The following NOTCH4 variants were observed in gnomAD, a reference collection of about 807,000 sequenced individuals.
The protein encoded by NOTCH4 is neurogenic locus notch homolog protein 4.
Under a neutral mutation model 189.0 loss-of-function variants are expected in NOTCH4, and 138 were observed. The observed-to-expected ratio is 0.73, with a 90% CI of 0.64 to 0.84. The LOEUF is 0.84. NOTCH4 is among the 40% of genes least tolerant of loss of function. The pLI, the probability that NOTCH4 is intolerant of heterozygous loss-of-function variation, is 0.00. For synonymous variants in NOTCH4, 942 were observed against 1,032.8 expected, an observed-to-expected ratio of 0.91 and a Z score of 1.69; for missense variants, 2,286 against 2,605.4, an observed-to-expected ratio of 0.88 and a Z score of 2.67.
chr6:32,214,914 G>A (rs1428855870), intron 12 of NOTCH4, among the ~76,000 whole-genome samples: 2 of 152,140 alleles, frequency 1.3e-5, no homozygotes, highest in African/African-American at 2.4e-5. Context: ...GCATGAGACC[G>A]TAATCAGCAC....
In NOTCH4 at chr6:32,196,147, G is replaced by T. The variant is rs760034716; in HGVS notation, c.5302C>A (p.Gln1768Lys). 3 of 1,589,870 alleles carry T rather than the reference G, an allele frequency of 1.9e-6. No homozygotes were observed. Among genetic ancestry groups the T allele is most frequent in the Non-Finnish European group, 2.6e-6 (3 of 1,174,422 alleles). ...CGCGCCGCCAGGAATAGCGGCGTCT[G>T]CTCCTGTACAGAAGAGCCAGGGCCG... ...ADKDAQDNRE[Q>K]TPLFLAAREG... Residue 1768 changes from glutamine to lysine, a missense_variant, in exon 30 of 30, where the codon CAG becomes AAG. Transcript: ENST00000375023.
rs1425265327 is a variant in NOTCH4 at position 32,199,212 on chromosome 6, T to C, written c.4316-67A>G. The C allele has an allele frequency of 1.6e-6, 2 of 1,222,820 alleles. No homozygotes were observed. Among genetic ancestry groups the C allele is most frequent in the Admixed American group, 3.0e-5 (1 of 33,276 alleles). 75.7% of individuals were successfully genotyped at this position (1,222,820 alleles called of 1,614,324 possible). On this transcript the variant is annotated intron_variant, in intron 23 of 29. Transcript: ENST00000375023. This position sits in a 1 kb window ranked among gnomAD's most constrained non-coding sequence, Gnocchi z 4.9. ...TGAGACTGATTACTATTGGGAGACC[T>C]TTGGACAAGTTTAGTAGCCGGTCTT...
rs776161068 is a variant in NOTCH4, at chr6:32,220,590, T to C, written c.974A>G (p.His325Arg). 2 of 1,613,002 alleles carry C rather than the reference T, an allele frequency of 1.2e-6. No homozygotes were observed. The highest frequency in any genetic ancestry group is 1.7e-6 in the Non-Finnish European group (2 of 1,179,716). ...VDECETQGPP[H>R]CRNGGTCQNS... ...CTGGCAGGTGCCCCCGTTTCTGCAGTGAGGGGGACCCTGGGTCTCACACTC... is the reference window on the plus strand; with the variant it reads ...CTGGCAGGTGCCCCCGTTTCTGCAGCGAGGGGGACCCTGGGTCTCACACTC... The change falls in exon 6 of 30, where the codon CAC (histidine) becomes CGC (arginine). Residue 325 changes from histidine to arginine, a missense_variant. Coordinates refer to ENST00000375023, the MANE Select transcript of NOTCH4 (RefSeq NM_004557.4).
In NOTCH4 at chr6:32,202,402, A is replaced by G; in HGVS notation, c.3429T>C (p.Asn1143=). The part of the protein sequence containing the change: ...GCGPPSPCLY[N]GSCSETTGLG... ...AGCCCGTGGTCTCTGAGCAGCTGCC[A>G]TTGTATAGGCATGGGGAGGGAGGGC... The change falls in exon 21 of 30, where the codon AAT becomes AAC. Residue 1143 remains asparagine, a synonymous_variant. Coordinates refer to ENST00000375023, the MANE Select transcript of NOTCH4 (RefSeq NM_004557.4). The surrounding 1 kb of genome is among the most constrained non-coding windows in gnomAD (Gnocchi z 5.7). 2 of 1,612,560 alleles carry G rather than the reference A, an allele frequency of 1.2e-6. No individual in the cohort carries two copies. Among genetic ancestry groups the G allele is most frequent in the Non-Finnish European group, 1.7e-6 (2 of 1,179,838 alleles).
rs752542391 is a variant in NOTCH4, at chr6:32,217,905, T to C, written c.1624+90A>G. Reference sequence around the variant, plus strand: ...ACTCCTTGGCTTGGCTAGAGAGAGCTTCAAGTGGCCTTGGGTGATTGCTGA... The same window carrying C: ...ACTCCTTGGCTTGGCTAGAGAGAGCCTCAAGTGGCCTTGGGTGATTGCTGA... On this transcript the variant is annotated intron_variant, in intron 9 of 29. Coordinates refer to ENST00000375023, the MANE Select transcript of NOTCH4 (RefSeq NM_004557.4). The surrounding 1 kb of genome is among the most constrained non-coding windows in gnomAD (Gnocchi z 4.2). 1.2e-6 allele frequency: 1 copy of C among 821,468 alleles called. No individual in the cohort carries two copies. The highest frequency in any genetic ancestry group is 2.1e-6 in the Non-Finnish European group (1 of 486,418). The allele number at this position is 821,468 out of a possible 1,614,324, so 50.9% of individuals were successfully genotyped here. A position where few individuals can be genotyped will look rare whatever the true frequency, so the allele number is the denominator to read the frequency against.
rs1277763178 is a variant in NOTCH4, at chr6:32,212,609, C to T, written c.2545G>A (p.Ala849Thr). 1 of 1,611,500 alleles carries T rather than the reference C, an allele frequency of 6.2e-7. No homozygotes were observed. Residue 849 changes from alanine to threonine, a missense_variant, in exon 17 of 30, where the codon GCC becomes ACC. By Grantham distance (58) the Ala-to-Thr change is moderately conservative. Around this residue, in one of 2 missense-constraint regions of NOTCH4, gnomAD observed 1,903 missense variants for 2,261.9 expected, o/e 0.84. Coordinates refer to ENST00000375023, the MANE Select transcript of NOTCH4 (RefSeq NM_004557.4). This position sits in a 1 kb window ranked among gnomAD's most constrained non-coding sequence, Gnocchi z 4.4. ...GAATTGCGTGGGCAGGGCTTCTGGG[C>T]ACATAAGTCCATCAGAGTCTGAGGG... ...GSCQTLMDLC[A>T]QKPCPRNSHC...
chr6:32,222,843 T>C lies in NOTCH4; in HGVS notation c.156-37A>G, dbSNP rs3134931. 0.33 allele frequency: 528,623 copies of C among 1,602,990 alleles called. 91,817 individuals are homozygous for C. The highest frequency in any genetic ancestry group is 0.56 in the East Asian group (25,090 of 44,794). On this transcript the variant is annotated intron_variant, in intron 2 of 29. Transcript: ENST00000375023. ...AGGAGAGGAAAACTCACATCACTGG[T>C]CCCTCTTCCTATTCTTGCCCACTCC...
In NOTCH4 at chr6:32,214,232, C is replaced by T; in HGVS notation, c.2045G>A (p.Gly682Asp). ...TGCCTCACACTCTGGCCCCGTCCAACCCACGTCACACACACATGAGGATCT... is the reference window on the plus strand; with the variant it reads ...TGCCTCACACTCTGGCCCCGTCCAATCCACGTCACACACACATGAGGATCT... ...CQRSSCVCDV[G>D]WTGPECEAEL... is the part of the protein sequence containing the mutation. The change falls in exon 13 of 30, where the codon GGT (glycine) becomes GAT (aspartate). Residue 682 changes from glycine to aspartate, a missense_variant. Transcript: ENST00000375023. 1 of 1,613,398 alleles carries T rather than the reference C, an allele frequency of 6.2e-7. No homozygotes were observed. Among genetic ancestry groups the T allele is most frequent in the Non-Finnish European group, 8.5e-7 (1 of 1,179,742 alleles).
At chr6:32,208,393 A>C (rs1289667770) in intron 18 of NOTCH4, among the ~76,000 whole-genome samples, 1 of 152,218 alleles carries the variant, frequency 6.6e-6, no homozygotes, top group Non-Finnish European at 1.5e-5. Flanking sequence ...ATGTAAATCA[A>C]AACCACAATG....
chr6:32,220,504 C>A lies in NOTCH4; in HGVS notation c.1060G>T (p.Glu354Ter), dbSNP rs139519242. 5 of 1,613,430 alleles carry A rather than the reference C, an allele frequency of 3.1e-6. No individual in the cohort carries two copies. In the African/African-American group the frequency reaches 6.7e-5, roughly 22 times the overall value. ...GCAGCAATACAGTCATCCAGGTTCT[C>A]CTCACAGCTTGTGCCGCCCCAGCCA... The part of the protein sequence containing the change: ...VSGWGGTSCE[E>*]NLDDCIAATC... Residue 354 changes from glutamate to a stop codon, truncating the protein, a stop_gained, in exon 6 of 30, where the codon GAG becomes TAG. Transcript: ENST00000375023. LOFTEE classifies it high-confidence loss of function.
intron 14 of NOTCH4, 67 bp from the exon 15 acceptor site, chr6:32,213,319 C>T: frequency 9.5e-7 from 1 of 1,053,182 alleles, no homozygotes; most frequent in East Asian, 2.4e-5. Context: ...CTCAGTCACA[C>T]TGTACATAGG....
rs771036574 is a variant in NOTCH4 at position 32,210,233 on chromosome 6, TG to T, written c.2865+518del. Among the ~76,000 whole-genome samples the T allele has an allele frequency of 8.6e-5, 13 of 152,010 alleles. No homozygotes were observed. The highest frequency in any genetic ancestry group is 2.1e-4 in the South Asian group (1 of 4,816). On this transcript the variant is annotated intron_variant, in intron 18 of 29. Transcript: ENST00000375023. This position sits in a 1 kb window ranked among gnomAD's most constrained non-coding sequence, Gnocchi z 4.8. ...AAAGGCTGAGAGGCAAGAATCAGTATGGGGTACGTGGCAAAGTCAGCAGCAG... is the reference window on the plus strand; with the variant it reads ...AAAGGCTGAGAGGCAAGAATCAGTATGGGTACGTGGCAAAGTCAGCAGCAG...
At position 32,217,016 on chromosome 6, in the gene NOTCH4, G is replaced by C. The variant is rs764974160; in HGVS notation, c.1790C>G (p.Pro597Arg). 2 of 1,613,110 alleles carry C rather than the reference G, an allele frequency of 1.2e-6. No individual in the cohort carries two copies. Among genetic ancestry groups the C allele is most frequent in the Non-Finnish European group, 8.5e-7 (1 of 1,180,032 alleles). ...AAGGCAGCTGGCTCCAACGGGACAT[G>C]GGTCACTCAGGCACTCATCCACCTC... is the stretch of plus-strand genomic sequence containing the variant. ...QTEVDECLSD[P>R]CPVGASCLDL... Residue 597 changes from proline to arginine, a missense_variant, in exon 11 of 30, where the codon CCA (proline) becomes CGA (arginine). Physicochemically the swap from Pro to Arg is moderately radical, Grantham distance 103 (BLOSUM62 -2). Around this residue, in one of 2 missense-constraint regions of NOTCH4, gnomAD observed 1,903 missense variants for 2,261.9 expected, o/e 0.84. Transcript: ENST00000375023. This position sits in a 1 kb window ranked among gnomAD's most constrained non-coding sequence, Gnocchi z 4.2.
At chr6:32,203,146 C>G (rs370806327) in intron 20 of NOTCH4, 1 of 152,338 alleles carries the variant, frequency 6.6e-6, no homozygotes, top group Non-Finnish European at 1.5e-5. Context: ...TCAGGTGATC[C>G]GCCTGCCTCG....
chr6:32,223,869 C>T lies in NOTCH4; in HGVS notation c.60G>A (p.Val20=), dbSNP rs1240757323. The change falls in exon 1 of 30, where the codon GTG becomes GTA. Residue 20 remains valine, a synonymous_variant. Coordinates refer to ENST00000375023, the MANE Select transcript of NOTCH4 (RefSeq NM_004557.4). Reference sequence around the variant, plus strand: ...GCCATGCCTCACCTCTGGGTCTGACCACTGAGACACATAGCAGCAGCAGCA... The same window carrying T: ...GCCATGCCTCACCTCTGGGTCTGACTACTGAGACACATAGCAGCAGCAGCA... ...LLLLLLLCVS[V]VRPRGLLCGS... is the part of the protein sequence containing the mutation. The T allele has an allele frequency of 3.1e-6, 5 of 1,602,800 alleles. No individual in the cohort carries two copies. In the African/African-American group the frequency reaches 6.9e-5, roughly 22 times the overall value.
Position 32,221,781 on chromosome 6 carries a change from C to T in NOTCH4, c.452-456G>A, listed in dbSNP as rs1053067553. Among the ~76,000 whole-genome samples, 3 of 152,256 alleles carry T rather than the reference C, an allele frequency of 2.0e-5. No individual in the cohort carries two copies. Among genetic ancestry groups the T allele is most frequent in the Admixed American group, 2.0e-4 (3 of 15,296 alleles). ...AGTCCATGTGCACCAGTGGTAATGG[C>T]GGCAGCAGTGGAGGTGCCAGGTGCT... is the stretch of plus-strand genomic sequence containing the variant. On this transcript the variant is annotated intron_variant, in intron 3 of 29. Transcript: ENST00000375023. This position sits in a 1 kb window ranked among gnomAD's most constrained non-coding sequence, Gnocchi z 4.3.
chr6:32,217,533 T>C lies in NOTCH4; in HGVS notation c.1625-267A>G, dbSNP rs929125755. ...GGGAATAATAATGGAACCTACCTCATGGTACTGTTAAAAAGATTAAATGAC... is the reference window on the plus strand; with the variant it reads ...GGGAATAATAATGGAACCTACCTCACGGTACTGTTAAAAAGATTAAATGAC... On this transcript the variant is annotated intron_variant, in intron 9 of 29. Coordinates refer to ENST00000375023, the MANE Select transcript of NOTCH4 (RefSeq NM_004557.4). The surrounding 1 kb of genome is among the most constrained non-coding windows in gnomAD (Gnocchi z 4.2). Among the ~76,000 whole-genome samples the C allele has an allele frequency of 1.3e-5, 2 of 152,216 alleles. No individual in the cohort carries two copies. The highest frequency in any genetic ancestry group is 2.9e-5 in the Non-Finnish European group (2 of 68,040).
chr6:32,203,644 G>C, intron 20 of NOTCH4, 126 bp downstream of exon 20: 2 of 680,452 alleles, frequency 2.9e-6, no homozygotes, highest in Non-Finnish European at 4.9e-6. Flanking sequence ...CTGTGAGCTT[G>C]GCATGGCTTT....
chr6:32,207,635 C>G (rs1249974276), intron 18 of NOTCH4, among the ~76,000 whole-genome samples: 6 of 149,578 alleles, frequency 4.0e-5, no homozygotes, highest in South Asian at 2.1e-4. Context: ...CTATCCCCCC[C>G]CCCCAAAAAA....
Sources: gnomAD v4.1 joint callset for allele counts (sites outside exome capture counted in the v4.1 genomes callset) on GRCh38, gnomAD v4.1.1 for gene constraint, gnomAD v4.1.1 regional missense constraint, Gnocchi (gnomAD v3.1) non-coding constraint, MANE v1.5 for transcripts, NCBI Gene and HGNC (gene_info 2026-07-23, HGNC 2026-07-21) for gene names.